SLC6A5: variants seen among roughly 807,000 people sequenced by gnomAD.
SLC6A5 encodes sodium- and chloride-dependent glycine transporter 2.
SLC6A5 carries 58 observed loss-of-function variants against 90.5 expected under a neutral mutation model. The ratio of observed to expected loss-of-function variants is 0.64; its 90% CI spans 0.52 to 0.80. The LOEUF is 0.80. Among genes scored for constraint, SLC6A5 ranks in the 30% least tolerant of loss-of-function variants. SLC6A5 has a pLI of 0.00. For missense variants in SLC6A5, 1,015 were observed against 1,017.6 expected (o/e 1.00, Z 0.03); for synonymous variants, 427 against 401.4 (o/e 1.06, Z -0.76).
At chr11:20,618,922 C>T (rs1852836014) in intron 7 of SLC6A5, among the ~76,000 whole-genome samples, 1 of 148,270 alleles carries the variant, frequency 6.7e-6, no homozygotes, top group South Asian at 2.1e-4. Context: ...GACAGGGTGA[C>T]AGAGTGAGAT....
rs12284342 is a variant in SLC6A5 at position 20,638,725 on chromosome 11, C to T, written c.1969+167C>T. 0.04 allele frequency among the ~76,000 whole-genome samples: 6,135 copies of T among 152,284 alleles called. 406 individuals carry two copies. The highest frequency in any genetic ancestry group is 0.14 in the African/African-American group (5,841 of 41,526). ...TGTTTCTAAACTTGCCTCACGACCA[C>T]TGTGATCCAAATTTAATAGGGAAAC... is the stretch of plus-strand genomic sequence containing the variant. On this transcript the variant is annotated intron_variant, in intron 13 of 15. Transcript: ENST00000525748.
Position 20,637,118 on chromosome 11 carries a change from A to ACCT in SLC6A5, c.1738-50_1738-48dup. The ACCT allele has an allele frequency of 5.7e-6, 9 of 1,590,726 alleles. 1 individual carries two copies. Among genetic ancestry groups the ACCT allele is most frequent in the Non-Finnish European group, 7.8e-6 (9 of 1,159,286 alleles). ...TGGGACATACAAAGGGCTTGGGGGT[A>ACCT]CCTCCTGGGTGGTACAATTTGACTC... On this transcript the variant is annotated intron_variant, in intron 11 of 15. Coordinates refer to ENST00000525748, the MANE Select transcript of SLC6A5 (RefSeq NM_004211.5).
intron 2 of SLC6A5, 44 bp from the exon 3 acceptor site, chr11:20,604,242 A>G: frequency 6.4e-7 from 1 of 1,571,842 alleles, no homozygotes; most frequent in Admixed American, 1.7e-5. Flanking sequence ...CTGCTTGTGG[A>G]CCTACTCGGG....
At chr11:20,600,164 T>C (rs1416085179) in intron 1 of SLC6A5, among the ~76,000 whole-genome samples, 1 of 152,056 alleles carries the variant, frequency 6.6e-6, no homozygotes, top group Non-Finnish European at 1.5e-5. Context: ...CCGTGAAAGA[T>C]AACACGAGGG....
chr11:20,600,324 AAAGAAGAAGAGGAAGAAGAAGAAGAAG>A lies in SLC6A5; in HGVS notation c.3+660_3+686del, dbSNP rs1470944170. Among the ~76,000 whole-genome samples the A allele has an allele frequency of 1.1e-3, 137 of 124,766 alleles. 1 individual carries two copies. The highest frequency in any genetic ancestry group is 3.8e-3 in the South Asian group (14 of 3,694). The allele number at this position is 124,766 out of a possible 152,430, so 81.9% of individuals were successfully genotyped here. ...AGACTCCTGTGAATAGTTACGCAAAAAAGAAGAAGAGGAAGAAGAAGAAGAAGAAGAAGAAGAAGAAGAAGAAGAAGA... is the reference window on the plus strand; with the variant it reads ...AGACTCCTGTGAATAGTTACGCAAAAAAGAAGAAGAAGAAGAAGAAGAAGA... On this transcript the variant is annotated intron_variant, in intron 1 of 15. Transcript: ENST00000525748.
At chr11:20,615,003 G>T (rs1852759480) in intron 6 of SLC6A5, among the ~76,000 whole-genome samples, 183 bp downstream of exon 6, 1 of 152,206 alleles carries the variant, frequency 6.6e-6, no homozygotes, top group Non-Finnish European at 1.5e-5. Context: ...AGCAGAGCTG[G>T]ATGAATGACA....
chr11:20,630,852 G>T, intron 10 of SLC6A5, 37 bp downstream of exon 10: 4 of 1,611,152 alleles, frequency 2.5e-6, no homozygotes, highest in Non-Finnish European at 3.4e-6. Flanking sequence ...TGCAGGGCAG[G>T]TCCCAGGCTC....
chr11:20,647,689 C>T (rs558925777), intron 14 of SLC6A5, among the ~76,000 whole-genome samples: 73 of 152,038 alleles, frequency 4.8e-4, no homozygotes, highest in Non-Finnish European at 7.4e-4. Context: ...TAATTATCTC[C>T]ACTTTACAGA....
At chr11:20,610,215 C>T (rs573018291) in intron 5 of SLC6A5, among the ~76,000 whole-genome samples, 13 of 152,336 alleles carry the variant, frequency 8.5e-5, no homozygotes, top group African/African-American at 2.9e-4. Context: ...GTTGCTGGGC[C>T]GCAGAGCTCT....
At chr11:20,603,008 T>C (rs965284229) in intron 2 of SLC6A5, among the ~76,000 whole-genome samples, 1 of 152,166 alleles carries the variant, frequency 6.6e-6, no homozygotes, top group Non-Finnish European at 1.5e-5. Flanking sequence ...GGTCTGTGTG[T>C]GGGAGGATTA....
chr11:20,608,267 G>C (rs1852621751), intron 5 of SLC6A5, among the ~76,000 whole-genome samples: 1 of 152,196 alleles, frequency 6.6e-6, no homozygotes, highest in African/African-American at 2.4e-5. Flanking sequence ...GGGGAGTCAG[G>C]GAGTGTTCCT....
chr11:20,627,217 T>C (rs1853014988), intron 8 of SLC6A5, among the ~76,000 whole-genome samples: 1 of 152,176 alleles, frequency 6.6e-6, no homozygotes, highest in African/African-American at 2.4e-5. Context: ...ATTTTAAAAA[T>C]ATTTTTACCT....
chr11:20,605,602 A>G (rs551854592), intron 3 of SLC6A5, among the ~76,000 whole-genome samples: 1 of 152,306 alleles, frequency 6.6e-6, no homozygotes, highest in Non-Finnish European at 1.5e-5. Context: ...TCCAGTGACT[A>G]GAAGGGGAGT....
chr11:20,646,857 A>G lies in SLC6A5; in HGVS notation c.1993A>G (p.Ile665Val). 4 of 1,613,294 alleles carry G rather than the reference A, an allele frequency of 2.5e-6. No individual in the cohort carries two copies. The highest frequency in any genetic ancestry group is 3.4e-6 in the Non-Finnish European group (4 of 1,179,326). The change falls in exon 14 of 16, where the codon ATA becomes GTA. Residue 665 changes from isoleucine (I) to valine (V), a missense_variant. By Grantham distance (29) the Ile-to-Val change is conservative. This residue lies in a region of SLC6A5 where 442 missense variants were observed against 494.3 expected (regional missense o/e 0.89). Coordinates refer to ENST00000525748, the MANE Select transcript of SLC6A5 (RefSeq NM_004211.5). ...VYGLQRFCED[I>V]EMMIGFQPNI... ...AGGCTTGCAAAGATTCTGTGAAGAT[A>G]TAGAGATGATGATTGGATTCCAGCC...
chr11:20,602,060 C>G (rs1009070836), intron 2 of SLC6A5, among the ~76,000 whole-genome samples: 1 of 152,164 alleles, frequency 6.6e-6, no homozygotes, highest in Admixed American at 6.5e-5. Context: ...AAATTCAGAA[C>G]AAAGCCACGT....
Position 20,637,163 on chromosome 11 carries a change from C to T in SLC6A5, c.1738-9C>T, listed in dbSNP as rs1230319643. 21 of 1,613,610 alleles carry T rather than the reference C, an allele frequency of 1.3e-5. No individual in the cohort carries two copies. The highest frequency in any genetic ancestry group is 1.6e-4 in the Middle Eastern group (1 of 6,080). ...TGACTCAGATGTTCATTTCCTGACA[C>T]GGTTCCAGTTTGCCACCATCGAGAC... On this transcript the variant is annotated splice_polypyrimidine_tract_variant and intron_variant, in intron 11 of 15. Coordinates refer to ENST00000525748, the MANE Select transcript of SLC6A5 (RefSeq NM_004211.5).
chr11:20,644,817 CT>C lies in SLC6A5; in HGVS notation c.1970-2006del, dbSNP rs1231229269. ...GGGCCATTTTTTTCTTTTTCTTTTTCTTTTTTTTTTTGAGACAGAGTTTCGC... is the reference window on the plus strand; with the variant it reads ...GGGCCATTTTTTTCTTTTTCTTTTTCTTTTTTTTTTGAGACAGAGTTTCGC... On this transcript the variant is annotated intron_variant, in intron 13 of 15. Coordinates refer to ENST00000525748, the MANE Select transcript of SLC6A5 (RefSeq NM_004211.5). Among the ~76,000 whole-genome samples the C allele has an allele frequency of 3.5e-3, 517 of 146,268 alleles. 3 individuals are homozygous for C. Among genetic ancestry groups the C allele is most frequent in the African/African-American group, 0.011 (451 of 40,244 alleles).
chr11:20,652,647 C>A (rs1853564728), intron 15 of SLC6A5, among the ~76,000 whole-genome samples, 191 bp downstream of exon 15: 2 of 152,180 alleles, frequency 1.3e-5, no homozygotes, highest in Non-Finnish European at 2.9e-5. Flanking sequence ...AGGGGCTCAG[C>A]CAGTCTGCAA....
chr11:20,654,621 T>A (rs957559493), intron 15 of SLC6A5, 92 bp from the exon 16 acceptor site: 42 of 1,268,598 alleles, frequency 3.3e-5, no homozygotes, highest in Non-Finnish European at 4.5e-5. Flanking sequence ...CTGGTCAAAG[T>A]GGTCATAAGC....
Sources: allele counts gnomAD v4.1 joint callset (sites outside exome capture counted in the v4.1 genomes callset), GRCh38; gene constraint gnomAD v4.1.1; regional missense constraint gnomAD v4.1.1; transcripts MANE v1.5; gene names NCBI Gene and HGNC (gene_info 2026-07-23, HGNC 2026-07-21).